Variants in EVA1A observed in about 807,000 individuals in gnomAD.
The protein encoded by EVA1A is protein eva-1 homolog A.
In EVA1A, 7 loss-of-function variants were observed where a neutral mutation model predicts 9.8. The ratio of observed to expected loss-of-function variants is 0.71; its 90% CI spans 0.41 to 1.34. The LOEUF is 1.34. Among genes scored for constraint, EVA1A ranks in the 40% most tolerant of loss-of-function variants. EVA1A has a pLI of 0.01. For synonymous variants in EVA1A, 90 were observed against 85.6 expected (o/e 1.05, Z -0.28); for missense variants, 206 against 205.9 (o/e 1.00, Z 0.00).
At chr2:75,501,427 T>A (rs2103787747) in intron 3 of EVA1A, among the ~76,000 whole-genome samples, 1 of 152,336 alleles carries the variant, frequency 6.6e-6, no homozygotes, top group Admixed American at 6.5e-5. Context: ...ATTCTACATA[T>A]TGTGGAAATT....
intron 3 of EVA1A, among the ~76,000 whole-genome samples, chr2:75,511,977 AGTG>A (rs770633307): frequency 2.0e-4 from 31 of 152,240 alleles, no homozygotes; most frequent in Non-Finnish European, 3.1e-4. Context: ...TTTGGGGAGA[AGTG>A]GAGAGTGATG....
rs1675081991 is a variant in EVA1A, at chr2:75,518,168, G to A, written c.-28C>T. 3 of 1,608,058 alleles carry A rather than the reference G, an allele frequency of 1.9e-6. No homozygotes were observed. The highest frequency in any genetic ancestry group is 2.5e-6 in the Non-Finnish European group (3 of 1,178,136). On this transcript the variant is annotated 5_prime_UTR_variant, in exon 3 of 4. Transcript: ENST00000393913. ...GACATCCAGAGGGGACCTCCTGGAG[G>A]TGCTTGGCTGAATCAACGTGGCCAC...
chr2:75,545,413 T>G (rs1290043625), intron 1 of EVA1A, among the ~76,000 whole-genome samples: 1 of 152,176 alleles, frequency 6.6e-6, no homozygotes, highest in Non-Finnish European at 1.5e-5. Flanking sequence ...GAGGAAGTTT[T>G]GCTTTCCCGA....
At position 75,494,936 on chromosome 2, in the gene EVA1A, G is replaced by A. The variant is rs369565744; in HGVS notation, c.86-1327C>T. Among the ~76,000 whole-genome samples the A allele has an allele frequency of 4.6e-5, 7 of 152,252 alleles. No individual in the cohort carries two copies. The East Asian group carries it at 1.4e-3, about 29-fold the overall frequency. ...ATTCTGTTAATGATCAGTATGCTTA[G>A]GGGGCCTAGTTGTGACCCCTGTAAG... On this transcript the variant is annotated intron_variant, in intron 3 of 3. Coordinates refer to ENST00000393913, the MANE Select transcript of EVA1A (RefSeq NM_001135032.2).
At chr2:75,559,696 G>GC (rs1676844874) in intron 1 of EVA1A, among the ~76,000 whole-genome samples, 1 of 96,192 alleles carries the variant, frequency 1.0e-5, no homozygotes, top group South Asian at 4.9e-4. Flanking sequence ...GAGAAAGGAG[G>GC]TGGGGGGGGG....
chr2:75,540,159 A>T (rs1676059247), intron 1 of EVA1A, among the ~76,000 whole-genome samples: 1 of 152,240 alleles, frequency 6.6e-6, no homozygotes, highest in East Asian at 1.9e-4. Context: ...TCAAGGGCAA[A>T]GCAGGAATCA....
rs113118799 is a variant in EVA1A at position 75,556,122 on chromosome 2, C to A, written c.-192+4558G>T. On this transcript the variant is annotated intron_variant, in intron 1 of 3. Coordinates refer to ENST00000393913, the MANE Select transcript of EVA1A (RefSeq NM_001135032.2). ...TGTCTCTGGCACCTGCACAGAGCTA[C>A]GTATTGCACGTGTATTCCAAGTCCA... 2.9e-3 allele frequency among the ~76,000 whole-genome samples: 438 copies of A among 152,334 alleles called. 2 individuals are homozygous for A. Among genetic ancestry groups the A allele is most frequent in the African/African-American group, 9.7e-3 (405 of 41,568 alleles).
chr2:75,545,221 CT>C lies in EVA1A; in HGVS notation c.-192+15458del, dbSNP rs543720136. On this transcript the variant is annotated intron_variant, in intron 1 of 3. Coordinates refer to ENST00000393913, the MANE Select transcript of EVA1A (RefSeq NM_001135032.2). Reference sequence around the variant, plus strand: ...GCAGGAAAAGATGTAAGAAACAGATCTTTTTGGTTAGAAAGGCAGAAGTAGA... The same window carrying C: ...GCAGGAAAAGATGTAAGAAACAGATCTTTTGGTTAGAAAGGCAGAAGTAGA... Among the ~76,000 whole-genome samples the C allele has an allele frequency of 3.3e-5, 5 of 152,206 alleles. No homozygotes were observed. The East Asian group carries it at 9.6e-4, about 29-fold the overall frequency.
chr2:75,532,159 CAAAAAAAAAAAAAAAAAA>C (rs543115764), intron 1 of EVA1A, among the ~76,000 whole-genome samples: 2 of 57,848 alleles, frequency 3.5e-5, no homozygotes, highest in African/African-American at 5.6e-5. Context: ...GACTCTGTCT[CAAAAAAAAAAAAAAAAAA>C]AAAAAAAAAA....
chr2:75,561,851 A>T (rs1369907280), upstream of EVA1A, among the ~76,000 whole-genome samples: 1 of 152,200 alleles, frequency 6.6e-6, no homozygotes, highest in Non-Finnish European at 1.5e-5. Context: ...TCCTAGAAGC[A>T]GTGTGATGGA....
At chr2:75,516,454 A>C (rs746100572) in intron 3 of EVA1A, among the ~76,000 whole-genome samples, 1 of 152,204 alleles carries the variant, frequency 6.6e-6, no homozygotes, top group African/African-American at 2.4e-5. Flanking sequence ...TATTTAATTC[A>C]TGAGTATGGG....
At chr2:75,540,303 T>G (rs1353584530) in intron 1 of EVA1A, among the ~76,000 whole-genome samples, 1 of 152,224 alleles carries the variant, frequency 6.6e-6, no homozygotes, top group East Asian at 1.9e-4. Flanking sequence ...TGTTGCATGA[T>G]GACATTTAGA....
chr2:75,529,058 C>T (rs6547005), intron 1 of EVA1A, among the ~76,000 whole-genome samples: 3,710 of 152,290 alleles, frequency 0.024, 146 homozygotes, highest in African/African-American at 0.085. Flanking sequence ...ATCCACTTCA[C>T]TCTACTGCTG....
At chr2:75,568,922 T>C (rs946791546) in intron 1 of EVA1A, among the ~76,000 whole-genome samples, 7 of 152,222 alleles carry the variant, frequency 4.6e-5, no homozygotes, top group African/African-American at 1.7e-4. Context: ...CAATTGCAAA[T>C]TCTGCTGCTA....
intron 1 of EVA1A, among the ~76,000 whole-genome samples, chr2:75,524,690 A>G (rs2103868362): frequency 6.6e-6 from 1 of 152,184 alleles, no homozygotes; most frequent in Admixed American, 6.5e-5. Flanking sequence ...TCAGCTTTCC[A>G]GAGAAATAGA....
chr2:75,548,059 T>G (rs980900835), intron 1 of EVA1A, among the ~76,000 whole-genome samples: 13 of 152,246 alleles, frequency 8.5e-5, no homozygotes, highest in Non-Finnish European at 1.6e-4. Context: ...TGCCATTCCC[T>G]TCAGTGACTT....
At chr2:75,519,214 C>T (rs1413080748) in intron 2 of EVA1A, among the ~76,000 whole-genome samples, 1 of 152,190 alleles carries the variant, frequency 6.6e-6, no homozygotes, top group Non-Finnish European at 1.5e-5. Context: ...TTCGATGCTG[C>T]TATGAACTGC....
rs539191543 is a variant in EVA1A at position 75,541,494 on chromosome 2, C to T, written c.-191-19007G>A. Among the ~76,000 whole-genome samples the T allele has an allele frequency of 1.5e-4, 23 of 152,278 alleles. No individual in the cohort carries two copies. In the South Asian group the frequency reaches 3.9e-3, roughly 26 times the overall value. ...CAGAATTGATGCCCTAATCTCTATG[C>T]CCTCATGGGGTCAGGGAGACCTGCT... On this transcript the variant is annotated intron_variant, in intron 1 of 3. Transcript: ENST00000393913.
chr2:75,515,651 A>G (rs1327065406), intron 3 of EVA1A, among the ~76,000 whole-genome samples: 1 of 152,226 alleles, frequency 6.6e-6, no homozygotes, highest in Non-Finnish European at 1.5e-5. Context: ...GCAGAGGAGC[A>G]GTTTGGTCAT....
Sources: gnomAD v4.1 joint callset for allele counts (sites outside exome capture counted in the v4.1 genomes callset) on GRCh38, gnomAD v4.1.1 for gene constraint, MANE v1.5 for transcripts, NCBI Gene and HGNC (gene_info 2026-07-23, HGNC 2026-07-21) for gene names.